ULK4: variants seen among roughly 807,000 people sequenced by gnomAD.
ULK4 encodes the protein inactive serine/threonine-protein kinase ULK4.
In ULK4, 133 loss-of-function variants were observed where a neutral mutation model predicts 160.6. The ratio of observed to expected loss-of-function variants is 0.83; its 90% CI spans 0.72 to 0.96. The LOEUF is 0.96. ULK4 is among the 40% of genes least tolerant of loss of function. ULK4 has a pLI of 0.00. For synonymous variants in ULK4, 534 were observed against 539.8 expected (o/e 0.99, Z 0.15); for missense variants, 1,580 against 1,499.5 (o/e 1.05, Z -0.89).
chr3:41,953,166 G>A (rs1309582567), intron 2 of ULK4, among the ~76,000 whole-genome samples: 1 of 151,348 alleles, frequency 6.6e-6, no homozygotes, highest in East Asian at 1.9e-4. Context: ...TCCCTAAACT[G>A]TACAATTAAA....
intron 31 of ULK4, among the ~76,000 whole-genome samples, chr3:41,589,735 A>G (rs2031136655): frequency 6.6e-6 from 1 of 152,178 alleles, no homozygotes; most frequent in Admixed American, 6.5e-5. Context: ...AAAAAATCCA[A>G]CACTCTTTAG....
In ULK4 at chr3:41,961,187, G is replaced by C. The variant is rs990337901; in HGVS notation, c.-49+829C>G. Among the ~76,000 whole-genome samples the C allele has an allele frequency of 2.6e-5, 4 of 152,292 alleles. No homozygotes were observed. In the South Asian group the frequency reaches 8.3e-4, roughly 32 times the overall value. ...TGAGGCATTTAAGAGTCGGGGGCAGGTCCTACATTCAAGGAACGCTGAGAG... is the reference window on the plus strand; with the variant it reads ...TGAGGCATTTAAGAGTCGGGGGCAGCTCCTACATTCAAGGAACGCTGAGAG... On this transcript the variant is annotated intron_variant, in intron 1 of 36. Transcript: ENST00000301831.
chr3:41,371,203 C>T lies in ULK4; in HGVS notation c.3678+26876G>A, dbSNP rs556082091. ...AGGACAGAGCAACTCGGGGAAGGGGCGGCTGTGGGCACAGCTTCAGCAGAC... is the reference window on the plus strand; with the variant it reads ...AGGACAGAGCAACTCGGGGAAGGGGTGGCTGTGGGCACAGCTTCAGCAGAC... On this transcript the variant is annotated intron_variant, in intron 35 of 36. Transcript: ENST00000301831. Among the ~76,000 whole-genome samples, 99 of 152,278 alleles carry T rather than the reference C, an allele frequency of 6.5e-4. 1 individual carries two copies. The highest frequency in any genetic ancestry group is 2.1e-3 in the African/African-American group (86 of 41,564).
intron 35 of ULK4, among the ~76,000 whole-genome samples, chr3:41,292,270 CA>C (rs1373772678): frequency 1.3e-5 from 2 of 152,202 alleles, no homozygotes; most frequent in Non-Finnish European, 2.9e-5. Flanking sequence ...TCTTTCAACT[CA>C]AAGCAATGCT....
intron 32 of ULK4, among the ~76,000 whole-genome samples, chr3:41,493,133 C>T (rs1404153822): frequency 7.6e-6 from 1 of 131,662 alleles, no homozygotes; most frequent in Non-Finnish European, 1.6e-5. Flanking sequence ...ACATTTTTTT[C>T]AGTACCACAC....
At chr3:41,280,309 C>T (rs1011876210) in intron 35 of ULK4, among the ~76,000 whole-genome samples, 2 of 152,140 alleles carry the variant, frequency 1.3e-5, no homozygotes, top group African/African-American at 4.8e-5. Flanking sequence ...CCAAGTGGAC[C>T]TAATAGACAT....
chr3:41,538,474 C>T (rs1003655036), intron 32 of ULK4, among the ~76,000 whole-genome samples: 1 of 152,094 alleles, frequency 6.6e-6, no homozygotes, highest in African/African-American at 2.4e-5. Context: ...TACGTCATGA[C>T]TTTTCTCTGC....
chr3:41,371,408 T>C (rs2081363535), intron 35 of ULK4, among the ~76,000 whole-genome samples: 1 of 152,134 alleles, frequency 6.6e-6, no homozygotes, highest in African/African-American at 2.4e-5. Flanking sequence ...CCAGCTGACA[T>C]CTGGCAGCTG....
At chr3:41,669,599 G>T (rs2035463960) in intron 29 of ULK4, among the ~76,000 whole-genome samples, 1 of 152,042 alleles carries the variant, frequency 6.6e-6, no homozygotes, top group African/African-American at 2.4e-5. Context: ...TATCCCTAGA[G>T]ATTCTACAAA....
chr3:41,430,617 A>G (rs2082882628), intron 34 of ULK4, among the ~76,000 whole-genome samples: 1 of 152,234 alleles, frequency 6.6e-6, no homozygotes, highest in Non-Finnish European at 1.5e-5. Context: ...GAGGCTGTTC[A>G]CAAAGAGAGT....
intron 21 of ULK4, among the ~76,000 whole-genome samples, chr3:41,769,432 G>A (rs2039277087): frequency 1.3e-5 from 2 of 152,142 alleles, no homozygotes; most frequent in Non-Finnish European, 2.9e-5. Flanking sequence ...AATGACTTCA[G>A]GTCACTTCAG....
At chr3:41,278,647 C>T (rs1178933279) in intron 35 of ULK4, among the ~76,000 whole-genome samples, 1 of 152,082 alleles carries the variant, frequency 6.6e-6, no homozygotes, top group African/African-American at 2.4e-5. Flanking sequence ...CTGGTGATAC[C>T]CAGGCAAAAA....
intron 35 of ULK4, among the ~76,000 whole-genome samples, chr3:41,317,107 C>T (rs2080159627): frequency 2.5e-5 from 3 of 119,778 alleles, no homozygotes; most frequent in Admixed American, 1.1e-4. Context: ...CTCGCTCTGT[C>T]GCCCAGGCCG....
chr3:41,610,874 A>G (rs942822886), intron 31 of ULK4, among the ~76,000 whole-genome samples: 2 of 152,234 alleles, frequency 1.3e-5, no homozygotes, highest in Non-Finnish European at 2.9e-5. Flanking sequence ...GGTTACCTAT[A>G]TTACTTGGCA....
intron 35 of ULK4, among the ~76,000 whole-genome samples, chr3:41,317,267 G>C (rs2080163553): frequency 1.3e-5 from 2 of 151,546 alleles, no homozygotes. Flanking sequence ...AGTAGAGACG[G>C]GGTTTCACCT....
intron 32 of ULK4, among the ~76,000 whole-genome samples, chr3:41,463,771 T>A (rs907993326): frequency 6.6e-6 from 1 of 152,180 alleles, no homozygotes; most frequent in Non-Finnish European, 1.5e-5. Context: ...AACCTCATAT[T>A]AACAGTGTGG....
At chr3:41,717,569 TAAAGC>T (rs2037312487) in intron 23 of ULK4, among the ~76,000 whole-genome samples, 154 bp downstream of exon 23, 1 of 152,210 alleles carries the variant, frequency 6.6e-6, no homozygotes, top group African/African-American at 2.4e-5. Context: ...CAAAAACAGA[TAAAGC>T]AAATTTAAAT....
intron 17 of ULK4, among the ~76,000 whole-genome samples, chr3:41,882,939 G>A (rs939094956): frequency 1.3e-5 from 2 of 152,116 alleles, no homozygotes; most frequent in Non-Finnish European, 2.9e-5. Context: ...TGAGAACCAA[G>A]CTGGGTACCA....
chr3:41,922,188 AAAAAT>A (rs1400317745), intron 5 of ULK4, among the ~76,000 whole-genome samples: 3 of 152,292 alleles, frequency 2.0e-5, no homozygotes, highest in African/African-American at 7.2e-5. Flanking sequence ...AGAAAGCTGA[AAAAAT>A]AAAATAAGAA....
Sources: gnomAD v4.1 joint callset for allele counts (sites outside exome capture counted in the v4.1 genomes callset) on GRCh38, gnomAD v4.1.1 for gene constraint, MANE v1.5 for transcripts, NCBI Gene and HGNC (gene_info 2026-07-23, HGNC 2026-07-21) for gene names.